ZNF804B: variants seen among roughly 807,000 people sequenced by gnomAD.
The protein encoded by ZNF804B is zinc finger protein 804B, also known as zinc finger 804B.
A neutral mutation model predicts 101.4 loss-of-function variants in ZNF804B; 80 were observed. The ratio of observed to expected loss-of-function variants is 0.79; its 90% confidence interval spans 0.66 to 0.95. The LOEUF is 0.95. Among genes scored for constraint, ZNF804B ranks in the 40% least tolerant of loss-of-function variants. The pLI is 0.00. For missense variants in ZNF804B, 1,673 were observed against 1,561.9 expected (o/e 1.07, Z -1.20); for synonymous variants, 622 against 558.8 (o/e 1.11, Z -1.59).
At chr7:89,000,082 G>A (rs1004755405) in intron 1 of ZNF804B, among the ~76,000 whole-genome samples, 1 of 151,968 alleles carries the variant, frequency 6.6e-6, no homozygotes, top group Non-Finnish European at 1.5e-5. Context: ...CATAGACTGT[G>A]TGATACAATC....
chr7:88,997,089 C>T (rs1277575660), intron 1 of ZNF804B, among the ~76,000 whole-genome samples: 1 of 152,064 alleles, frequency 6.6e-6, no homozygotes, highest in African/African-American at 2.4e-5. Context: ...AACTGATACA[C>T]ACTTGGAATG....
At chr7:88,877,026 A>ATATATAATAT (rs1491138122) in intron 1 of ZNF804B, among the ~76,000 whole-genome samples, 3 of 41,094 alleles carry the variant, frequency 7.3e-5, no homozygotes, top group African/African-American at 5.0e-4. Flanking sequence ...ATATATATAT[A>ATATATAATAT]ATATATATAT....
At chr7:89,044,272 T>C (rs1006475136) in intron 1 of ZNF804B, among the ~76,000 whole-genome samples, 1 of 152,212 alleles carries the variant, frequency 6.6e-6, no homozygotes, top group African/African-American at 2.4e-5. Context: ...CCTTTCGCCA[T>C]GATTGTAAGT....
intron 2 of ZNF804B, among the ~76,000 whole-genome samples, chr7:89,254,179 CAGAA>C (rs1789588774): frequency 6.6e-6 from 1 of 151,792 alleles, no homozygotes; most frequent in Non-Finnish European, 1.5e-5. Flanking sequence ...GTTTAATAAT[CAGAA>C]AGGAAGAAAC....
intron 1 of ZNF804B, among the ~76,000 whole-genome samples, chr7:89,081,501 C>T (rs193078207): frequency 3.0e-3 from 448 of 151,782 alleles, no homozygotes; most frequent in Middle Eastern, 0.01. Context: ...GTTTAGATCC[C>T]CATTATGAAC....
intron 1 of ZNF804B, among the ~76,000 whole-genome samples, chr7:89,024,273 A>G (rs532621254): frequency 3.3e-5 from 5 of 152,166 alleles, no homozygotes; most frequent in African/African-American, 9.7e-5. Flanking sequence ...ATTTTTCAGG[A>G]TAATACTTAG....
chr7:88,897,510 A>C (rs1237216376), intron 1 of ZNF804B, among the ~76,000 whole-genome samples: 1 of 139,442 alleles, frequency 7.2e-6, no homozygotes, highest in Admixed American at 7.2e-5. Context: ...AGGGGATTAA[A>C]TATGTGCTGT....
intron 1 of ZNF804B, among the ~76,000 whole-genome samples, chr7:89,005,399 C>G (rs922265141): frequency 6.6e-6 from 1 of 151,884 alleles, no homozygotes; most frequent in Non-Finnish European, 1.5e-5. Flanking sequence ...AGCAGAATCA[C>G]AAGGTCAAGG....
intron 1 of ZNF804B, among the ~76,000 whole-genome samples, chr7:88,948,581 A>G (rs1305219100): frequency 6.6e-6 from 1 of 151,848 alleles, no homozygotes; most frequent in East Asian, 2.0e-4. Context: ...CCCTGCCTGT[A>G]CCTGGCCCAT....
At chr7:89,178,518 A>G (rs1480810625) in intron 1 of ZNF804B, among the ~76,000 whole-genome samples, 1 of 152,162 alleles carries the variant, frequency 6.6e-6, no homozygotes, top group Non-Finnish European at 1.5e-5. Flanking sequence ...TGCAAAAACA[A>G]ACAATAAAAC....
chr7:89,069,026 C>T (rs995609192), intron 1 of ZNF804B, among the ~76,000 whole-genome samples: 3 of 152,148 alleles, frequency 2.0e-5, no homozygotes, highest in Non-Finnish European at 2.9e-5. Flanking sequence ...TGTGATTGGA[C>T]AACAAAAAGC....
chr7:88,947,588 G>A (rs1351677409), intron 1 of ZNF804B, among the ~76,000 whole-genome samples: 2 of 151,698 alleles, frequency 1.3e-5, no homozygotes, highest in East Asian at 3.9e-4. Flanking sequence ...GTTGATGGGT[G>A]CAGCAAACCA....
chr7:89,298,603 A>G (rs1790429144), intron 2 of ZNF804B, among the ~76,000 whole-genome samples: 1 of 151,914 alleles, frequency 6.6e-6, no homozygotes, highest in African/African-American at 2.4e-5. Context: ...TGTATTACAA[A>G]GCAATAATTA....
intron 1 of ZNF804B, among the ~76,000 whole-genome samples, chr7:88,978,050 C>T (rs1793641130): frequency 6.6e-6 from 1 of 151,664 alleles, no homozygotes; most frequent in Non-Finnish European, 1.5e-5. Flanking sequence ...CAAAGTTTCT[C>T]TTGTCATTGA....
intron 1 of ZNF804B, among the ~76,000 whole-genome samples, chr7:89,077,951 G>A (rs1433274254): frequency 6.6e-6 from 1 of 152,014 alleles, no homozygotes; most frequent in African/African-American, 2.4e-5. Context: ...TTAACCAGTT[G>A]AAAATTTTCT....
chr7:88,977,041 A>G (rs187046334), intron 1 of ZNF804B, among the ~76,000 whole-genome samples: 2 of 151,826 alleles, frequency 1.3e-5, no homozygotes, highest in Admixed American at 1.3e-4. Flanking sequence ...ACATTGATTG[A>G]TTTGTGTATG....
At chr7:88,829,342 A>G (rs1791097897) in intron 1 of ZNF804B, among the ~76,000 whole-genome samples, 1 of 152,126 alleles carries the variant, frequency 6.6e-6, no homozygotes, top group South Asian at 2.1e-4. Context: ...TCCCAAAGCC[A>G]CATAGATGTG....
At chr7:89,156,777 G>A (rs1019514320) in intron 1 of ZNF804B, among the ~76,000 whole-genome samples, 1 of 152,134 alleles carries the variant, frequency 6.6e-6, no homozygotes, top group African/African-American at 2.4e-5. Flanking sequence ...GTGTCTGTAT[G>A]TTTGGAAGAT....
At chr7:88,933,173 A>G (rs891973687) in intron 1 of ZNF804B, among the ~76,000 whole-genome samples, 1 of 151,950 alleles carries the variant, frequency 6.6e-6, no homozygotes, top group Non-Finnish European at 1.5e-5. Context: ...TATGTCACAT[A>G]AAGAGAATTA....
Sources: allele counts gnomAD v4.1 joint callset (sites outside exome capture counted in the v4.1 genomes callset), GRCh38; gene constraint gnomAD v4.1.1; transcripts MANE v1.5; gene names NCBI Gene and HGNC (gene_info 2026-07-23, HGNC 2026-07-21).